SEMA6A: variants seen among roughly 807,000 people sequenced by gnomAD.
SEMA6A encodes semaphorin 6A.
Under a neutral mutation model 96.8 loss-of-function variants are expected in SEMA6A, and 25 were observed. That is an observed-to-expected ratio of 0.26 (90% CI 0.19 to 0.36). The LOEUF (loss-of-function observed/expected upper bound fraction) is 0.36, where lower values mean the gene tolerates loss of function less well. Among genes scored for constraint, SEMA6A ranks in the 10% least tolerant of loss-of-function variants. The pLI is 1.00. For missense variants in SEMA6A, 1,363 were observed against 1,323.1 expected (o/e 1.03, Z -0.47); for synonymous variants, 612 against 518.0 (o/e 1.18, Z -2.46).
intron 1 of SEMA6A, among the ~76,000 whole-genome samples, chr5:116,558,456 T>TAAAAACAACACAA (rs1351251573): frequency 5.7e-4 from 22 of 38,486 alleles, no homozygotes; most frequent in South Asian, 2.3e-3. Flanking sequence ...TTCTTTTTTT[T>TAAAAACAACACAA]TTTTTTTTTT....
At chr5:116,459,089 T>C (rs908962609) in intron 18 of SEMA6A, among the ~76,000 whole-genome samples, 1 of 152,166 alleles carries the variant, frequency 6.6e-6, no homozygotes, top group Admixed American at 6.5e-5. Context: ...GATTATATTA[T>C]TAATTAAGCC....
At chr5:116,551,153 A>G (rs1335474369) in intron 1 of SEMA6A, among the ~76,000 whole-genome samples, 1 of 152,154 alleles carries the variant, frequency 6.6e-6, no homozygotes, top group East Asian at 1.9e-4. Context: ...GTCATGACCA[A>G]ATAGAACATG....
intron 1 of SEMA6A, among the ~76,000 whole-genome samples, chr5:116,516,694 C>T (rs1758682857): frequency 6.6e-6 from 1 of 152,146 alleles, no homozygotes; most frequent in Non-Finnish European, 1.5e-5. Flanking sequence ...TAGGATACCA[C>T]CGCATAAAAT....
At chr5:116,557,423 G>T (rs1046185211) in intron 1 of SEMA6A, among the ~76,000 whole-genome samples, 6 of 152,168 alleles carry the variant, frequency 3.9e-5, no homozygotes, top group Non-Finnish European at 2.9e-5. Context: ...TGTTGCCCAG[G>T]CTTGTCTCAA....
intron 1 of SEMA6A, among the ~76,000 whole-genome samples, chr5:116,542,072 G>T (rs972774571): frequency 6.6e-6 from 1 of 152,162 alleles, no homozygotes; most frequent in African/African-American, 2.4e-5. Flanking sequence ...CAGTATCCTG[G>T]GGAACCATCA....
At chr5:116,569,590 C>G (rs1034358082) in intron 1 of SEMA6A, among the ~76,000 whole-genome samples, 2 of 152,130 alleles carry the variant, frequency 1.3e-5, no homozygotes, top group Admixed American at 6.5e-5. Flanking sequence ...AGTGGGGAAG[C>G]TGGCATGAAA....
intron 1 of SEMA6A, among the ~76,000 whole-genome samples, chr5:116,508,937 TCTGCAAGTGG>T (rs1345939154): frequency 3.9e-5 from 6 of 152,200 alleles, no homozygotes; most frequent in Non-Finnish European, 8.8e-5. Flanking sequence ...TTGACCATCA[TCTGCAAGTGG>T]CTGAGCAGCC....
intron 1 of SEMA6A, among the ~76,000 whole-genome samples, chr5:116,513,138 T>TC (rs1561509009): frequency 5.3e-5 from 8 of 151,882 alleles, no homozygotes; most frequent in Non-Finnish European, 7.4e-5. Flanking sequence ...CTTTTTTTTT[T>TC]TCCCCCGCGA....
At chr5:116,464,966 G>T (rs192254564) in intron 18 of SEMA6A, among the ~76,000 whole-genome samples, 1 of 152,108 alleles carries the variant, frequency 6.6e-6, no homozygotes, top group African/African-American at 2.4e-5. Context: ...CACATTTTCT[G>T]CTTAGTGAGG....
At chr5:116,463,640 G>A (rs1416233363) in intron 18 of SEMA6A, among the ~76,000 whole-genome samples, 1 of 152,026 alleles carries the variant, frequency 6.6e-6, no homozygotes, top group Non-Finnish European at 1.5e-5. Context: ...TGTCTTTAAT[G>A]TGCATATTTT....
At chr5:116,472,960 A>AAATT (rs1390791364) in intron 17 of SEMA6A, 113 bp downstream of exon 17, 1 of 1,516,668 alleles carries the variant, frequency 6.6e-7, no homozygotes, top group Non-Finnish European at 8.8e-7. Context: ...TGAGGATAAA[A>AAATT]AATTAATTAA....
chr5:116,471,395 T>C (rs1009501150), intron 17 of SEMA6A: 4 of 152,196 alleles, frequency 2.6e-5, no homozygotes, highest in African/African-American at 7.2e-5. Flanking sequence ...CTTGGTATGA[T>C]TGATGAATGC....
intron 18 of SEMA6A, among the ~76,000 whole-genome samples, chr5:116,457,015 A>G (rs1328245378): frequency 6.6e-6 from 1 of 152,168 alleles, no homozygotes; most frequent in African/African-American, 2.4e-5. Context: ...CACCAAAGTA[A>G]GGTCCTGCTT....
intron 1 of SEMA6A, among the ~76,000 whole-genome samples, chr5:116,554,498 TAC>T (rs1272393132): frequency 6.6e-6 from 1 of 152,162 alleles, no homozygotes; most frequent in East Asian, 1.9e-4. Flanking sequence ...TAAAATAAAA[TAC>T]ACACATTTAT....
In SEMA6A at chr5:116,497,380, T is replaced by C. The variant is rs1384916387; in HGVS notation, c.226A>G (p.Ile76Val). 1.3e-6 allele frequency: 2 copies of C among 1,591,068 alleles called. No homozygotes were observed. The highest frequency in any genetic ancestry group is 2.2e-5 in the South Asian group (2 of 89,516). Reference protein sequence around the residue: ...GTLYIAARDHIYTVDIDTSHT... With the variant: ...GTLYIAARDHVYTVDIDTSHT... ...GATGTGTCTATATCAACAGTATAAA[T>C]ATGGTCCCTATAGGCAAAGAAAAAT... The change falls in exon 4 of 19, where the codon ATT becomes GTT. Residue 76 changes from isoleucine (I) to valine (V), a missense_variant. Transcript: ENST00000343348.
intron 5 of SEMA6A, 192 bp downstream of exon 5, chr5:116,496,059 G>C: frequency 1.9e-6 from 1 of 533,394 alleles, no homozygotes; most frequent in Non-Finnish European, 3.4e-6. Flanking sequence ...CCTAGCAGCT[G>C]TTGTAATGTT....
chr5:116,502,214 C>A lies in SEMA6A; in HGVS notation c.214G>T (p.Ala72Ser), dbSNP rs767605811. The change falls in exon 3 of 19, where the codon GCT becomes TCT. Residue 72 changes from alanine (A) to serine (S), a missense_variant. Coordinates refer to ENST00000343348, the MANE Select transcript of SEMA6A (RefSeq NM_020796.5). ...MIMNGTLYIA[A>S]RDHIYTVDID... ...CATGGGGAAAAGGCCCCTTACCTAG[C>A]AGCAATGTAGAGGGTTCCGTTCATG... The A allele has an allele frequency of 2.5e-6, 4 of 1,613,600 alleles. No individual in the cohort carries two copies. The East Asian group carries it at 8.9e-5, about 36-fold the overall frequency.
intron 1 of SEMA6A, among the ~76,000 whole-genome samples, chr5:116,548,483 G>A (rs79110822): frequency 0.018 from 2,788 of 152,172 alleles, 41 homozygotes; most frequent in Middle Eastern, 0.027. Flanking sequence ...CAGGCTTCAT[G>A]GTATTTGTGT....
At chr5:116,573,510 C>G (rs1761325243) in intron 1 of SEMA6A, among the ~76,000 whole-genome samples, 1 of 152,124 alleles carries the variant, frequency 6.6e-6, no homozygotes, top group South Asian at 2.1e-4. Flanking sequence ...GACACTTATT[C>G]GAGCAAACAA....
Sources: gnomAD v4.1 joint callset for allele counts (sites outside exome capture counted in the v4.1 genomes callset) on GRCh38, gnomAD v4.1.1 for gene constraint, MANE v1.5 for transcripts, NCBI Gene and HGNC (gene_info 2026-07-23, HGNC 2026-07-21) for gene names.